SH3PXD2A: variants seen among roughly 807,000 people sequenced by gnomAD.
SH3PXD2A encodes SH3 and PX domain-containing protein 2A.
A neutral mutation model predicts 115.2 loss-of-function variants in SH3PXD2A; 32 were observed. The observed-to-expected ratio is 0.28, with a 90% CI of 0.21 to 0.37. The LOEUF (loss-of-function observed/expected upper bound fraction) is 0.37. SH3PXD2A is among the 10% of genes least tolerant of loss of function. SH3PXD2A has a pLI of 1.00. For missense variants in SH3PXD2A, 1,328 were observed against 1,498.7 expected, an observed-to-expected ratio of 0.89 and a Z score of 1.88; for synonymous variants, 610 against 629.1, an observed-to-expected ratio of 0.97 and a Z score of 0.45.
chr10:103,692,925 A>ACCC, intron 6 of SH3PXD2A, 103 bp downstream of exon 6: 15 of 908,268 alleles, frequency 1.7e-5, no homozygotes, highest in East Asian at 1.1e-4. Flanking sequence ...TGCAAGGACA[A>ACCC]CCCCCCCCTC....
chr10:103,714,478 G>A (rs1447337350), intron 5 of SH3PXD2A, among the ~76,000 whole-genome samples: 3 of 152,212 alleles, frequency 2.0e-5, no homozygotes, highest in Non-Finnish European at 2.9e-5. Context: ...GGGCTGGACT[G>A]GGGGTGTTTG....
intron 8 of SH3PXD2A, among the ~76,000 whole-genome samples, chr10:103,633,463 C>T (rs2036814924): frequency 6.6e-6 from 1 of 151,924 alleles, no homozygotes; most frequent in African/African-American, 2.4e-5. Flanking sequence ...TGGCTCACGG[C>T]TGTAATCCCT....
intron 1 of SH3PXD2A, among the ~76,000 whole-genome samples, chr10:103,847,973 G>A (rs1842863531): frequency 6.6e-6 from 1 of 150,884 alleles, no homozygotes; most frequent in African/African-American, 2.5e-5. Flanking sequence ...CAAGTTCAGA[G>A]AGATCCTGAA....
chr10:103,729,471 T>G (rs190210580), intron 4 of SH3PXD2A, among the ~76,000 whole-genome samples: 2 of 152,376 alleles, frequency 1.3e-5, no homozygotes, highest in East Asian at 3.9e-4. Context: ...TGAGACTTTC[T>G]AATAGAGCTC....
At chr10:103,810,903 CAT>C (rs1174431764) in intron 1 of SH3PXD2A, among the ~76,000 whole-genome samples, 1 of 118,096 alleles carries the variant, frequency 8.5e-6, no homozygotes, top group Non-Finnish European at 1.8e-5. Flanking sequence ...CACACAGAAA[CAT>C]GGACACACAC....
intron 3 of SH3PXD2A, among the ~76,000 whole-genome samples, chr10:103,764,789 A>G (rs1188412717): frequency 6.6e-6 from 1 of 152,232 alleles, no homozygotes; most frequent in East Asian, 1.9e-4. Context: ...CCCAGGAGTC[A>G]GGAATGACAG....
intron 8 of SH3PXD2A, among the ~76,000 whole-genome samples, chr10:103,656,596 G>A (rs1353980405): frequency 2.6e-5 from 4 of 152,142 alleles, no homozygotes; most frequent in Non-Finnish European, 5.9e-5. Context: ...TTGGGAGGCC[G>A]AGGCGGGTGG....
intron 1 of SH3PXD2A, among the ~76,000 whole-genome samples, chr10:103,807,043 G>A (rs1286189304): frequency 6.6e-6 from 1 of 152,168 alleles, no homozygotes; most frequent in Non-Finnish European, 1.5e-5. Flanking sequence ...TTCCAAAATC[G>A]CCTTCCCAGT....
At chr10:103,604,191 A>G (rs1177195280) in intron 14 of SH3PXD2A, among the ~76,000 whole-genome samples, 1 of 152,198 alleles carries the variant, frequency 6.6e-6, no homozygotes, top group Non-Finnish European at 1.5e-5. Flanking sequence ...CGATGTTGCT[A>G]GGTCCTCCCT....
chr10:103,799,031 G>A (rs2039121860), intron 2 of SH3PXD2A, among the ~76,000 whole-genome samples: 1 of 152,214 alleles, frequency 6.6e-6, no homozygotes, highest in Non-Finnish European at 1.5e-5. Context: ...CTACCGGGCA[G>A]GCAATTTGAA....
At chr10:103,767,676 A>G (rs985164815) in intron 2 of SH3PXD2A, among the ~76,000 whole-genome samples, 1 of 149,170 alleles carries the variant, frequency 6.7e-6, no homozygotes, top group South Asian at 2.1e-4. Flanking sequence ...TTGCAAAACC[A>G]AATCCATCCC....
At chr10:103,805,875 T>C (rs1373062709) in intron 1 of SH3PXD2A, among the ~76,000 whole-genome samples, 1 of 152,196 alleles carries the variant, frequency 6.6e-6, no homozygotes. Context: ...AAAACAAAAA[T>C]TGAAAATTCA....
intron 1 of SH3PXD2A, among the ~76,000 whole-genome samples, chr10:103,814,860 A>G (rs555256987): frequency 2.0e-5 from 3 of 152,284 alleles, no homozygotes; most frequent in East Asian, 1.9e-4. Context: ...GACGGCCCCA[A>G]TAAAATGGGG....
rs920428099 is a variant in SH3PXD2A, at chr10:103,717,174, C to T, written c.398+7096G>A. ...TCTCTGACCCCTGGCCCCCTGACTC[C>T]GGAGAGGTTGAGAATCCTCCTGGCT... On this transcript the variant is annotated intron_variant, in intron 5 of 14. Transcript: ENST00000369774. Among the ~76,000 whole-genome samples, 8 of 152,138 alleles carry T rather than the reference C, an allele frequency of 5.3e-5. No individual in the cohort carries two copies. The East Asian group carries it at 5.9e-4, about 11-fold the overall frequency.
intron 3 of SH3PXD2A, among the ~76,000 whole-genome samples, chr10:103,744,435 G>A (rs1047971937): frequency 1.3e-5 from 2 of 152,126 alleles, no homozygotes; most frequent in African/African-American, 2.4e-5. Flanking sequence ...TTACAGGCAT[G>A]AGCCACCGCA....
At chr10:103,762,432 G>C (rs1009751010) in intron 3 of SH3PXD2A, among the ~76,000 whole-genome samples, 1 of 152,172 alleles carries the variant, frequency 6.6e-6, no homozygotes, top group Non-Finnish European at 1.5e-5. Flanking sequence ...AAAAGAGATG[G>C]GTGTGTCTCC....
chr10:103,767,856 A>G (rs962382357), intron 2 of SH3PXD2A, among the ~76,000 whole-genome samples: 1 of 115,394 alleles, frequency 8.7e-6, no homozygotes, highest in Admixed American at 1.1e-4. Flanking sequence ...CTGAAATTCT[A>G]TGTAAACTGG....
chr10:103,767,071 G>C, intron 3 of SH3PXD2A, 23 bp downstream of exon 3: 1 of 1,597,226 alleles, frequency 6.3e-7, no homozygotes, highest in Non-Finnish European at 8.6e-7. Context: ...CCCCATCCCT[G>C]GGTGGAGCCA....
chr10:103,662,346 G>GGGGGC (rs2037320044), intron 7 of SH3PXD2A, among the ~76,000 whole-genome samples: 1 of 91,050 alleles, frequency 1.1e-5, no homozygotes, highest in African/African-American at 5.7e-5. Flanking sequence ...ATTGGCGGGG[G>GGGGGC]GGGGGGCGGG....
Sources: gnomAD v4.1 joint callset for allele counts (sites outside exome capture counted in the v4.1 genomes callset) on GRCh38, gnomAD v4.1.1 for gene constraint, MANE v1.5 for transcripts, NCBI Gene and HGNC (gene_info 2026-07-23, HGNC 2026-07-21) for gene names.